Variants in SATL1 observed in about 807,000 individuals in gnomAD.
SATL1 encodes spermidine/spermine N(1)-acetyltransferase-like protein 1.
A neutral mutation model predicts 51.8 loss-of-function variants in SATL1; 47 were observed. That is an observed-to-expected ratio of 0.91 (90% CI 0.72 to 1.16). The LOEUF is 1.16. Ranked by LOEUF, SATL1 falls within the 50% of genes most tolerant of loss-of-function variation. The pLI is 0.00. For missense variants in SATL1, 520 were observed against 526.4 expected (o/e 0.99, Z 0.12); for synonymous variants, 176 against 182.4 (o/e 0.97, Z 0.28).
chrX:85,234,418 T>C (rs1312418131), intron 1 of SATL1, among the ~76,000 whole-genome samples: 1 of 111,867 alleles, frequency 8.9e-6, no homozygotes, highest in African/African-American at 3.2e-5. Context: ...AGCACTGTAA[T>C]TATGAATGTG....
intron 2 of SATL1, among the ~76,000 whole-genome samples, chrX:85,129,823 C>G (rs1367496363): frequency 9.0e-6 from 1 of 111,456 alleles, no homozygotes; most frequent in Non-Finnish European, 1.9e-5. Context: ...TGCGTTCCAT[C>G]AGTACCTAGT....
Position 85,143,632 on chromosome X carries a change from G to A in SATL1, c.-312-34352C>T, listed in dbSNP as rs1025564571. 4 of 111,477 alleles carry A rather than the reference G, an allele frequency of 3.6e-5. No homozygotes were observed. The Admixed American group carries it at 3.8e-4, about 11-fold the overall frequency. 9.2% of individuals were successfully genotyped at this position (111,477 alleles called of 1,213,427 possible). On this transcript the variant is annotated intron_variant, in intron 2 of 7. Transcript: ENST00000644105. ...GGAACTAGACAGTATTACAAGCAAA[G>A]GTTCTGTTGTTTAAAATTCACAAAC...
chrX:85,136,373 A>G (rs1188152237), intron 2 of SATL1, among the ~76,000 whole-genome samples: 1 of 112,005 alleles, frequency 8.9e-6, no homozygotes, highest in Non-Finnish European at 1.9e-5. Flanking sequence ...AAAAACTTAG[A>G]TCAGAACCCC....
intron 4 of SATL1, among the ~76,000 whole-genome samples, chrX:85,099,879 T>C (rs1369676840): frequency 1.8e-5 from 2 of 112,330 alleles, no homozygotes; most frequent in African/African-American, 3.2e-5. Flanking sequence ...CTGGAAGTTA[T>C]GGCCAGAGCT....
chrX:85,184,037 G>A (rs932072133), intron 2 of SATL1, among the ~76,000 whole-genome samples: 14 of 111,823 alleles, frequency 1.3e-4, no homozygotes, highest in Non-Finnish European at 2.3e-4. Flanking sequence ...GTGAGAACAT[G>A]TGAAGTTTGT....
chrX:85,227,886 TGTG>T (rs1928306613), intron 1 of SATL1, among the ~76,000 whole-genome samples: 1 of 111,337 alleles, frequency 9.0e-6, no homozygotes, highest in African/African-American at 3.3e-5. Flanking sequence ...GGTATGGTGA[TGTG>T]GTTATATTTT....
At chrX:85,099,773 C>T (rs760206365) in intron 4 of SATL1, among the ~76,000 whole-genome samples, 17 of 111,960 alleles carry the variant, frequency 1.5e-4, no homozygotes, top group African/African-American at 4.9e-4. Context: ...CTTATGAAAA[C>T]GACATTATAC....
chrX:85,154,488 G>A (rs185851929), intron 2 of SATL1, among the ~76,000 whole-genome samples: 10 of 112,075 alleles, frequency 8.9e-5, no homozygotes, highest in Middle Eastern at 4.6e-3. Flanking sequence ...AGCAGCAATC[G>A]TTTATTGAGA....
intron 2 of SATL1, chrX:85,209,934 A>C (rs746732200): frequency 9.1e-6 from 1 of 109,934 alleles, no homozygotes; most frequent in Admixed American, 9.8e-5. Flanking sequence ...TCAGGGTGTC[A>C]ATTTTAGATC....
rs760157060 is a variant in SATL1, at chrX:85,103,927, G to C, written c.1642-12C>G. 4.4e-6 allele frequency: 5 copies of C among 1,139,243 alleles called. No individual in the cohort carries two copies. Among genetic ancestry groups the C allele is most frequent in the Non-Finnish European group, 6.0e-6 (5 of 831,879 alleles). 93.9% of individuals were successfully genotyped at this position (1,139,243 alleles called of 1,213,427 possible). A position where few individuals can be genotyped will look rare whatever the true frequency, so the allele number is the denominator to read the frequency against. On this transcript the variant is annotated splice_polypyrimidine_tract_variant and intron_variant, in intron 3 of 7. Coordinates refer to ENST00000644105, the MANE Select transcript of SATL1 (RefSeq NM_001367857.2). ...CAGGCAGCCAATTCCTGTCAAAGTA[G>C]ATAAAACCTTCAGTTTATGATTTAG...
At chrX:85,139,285 A>G (rs1191572697) in intron 2 of SATL1, among the ~76,000 whole-genome samples, 2 of 111,807 alleles carry the variant, frequency 1.8e-5, no homozygotes, top group Non-Finnish European at 3.8e-5. Context: ...ACACACATGT[A>G]TATATGTATA....
At chrX:85,180,134 T>C (rs1405371678) in intron 2 of SATL1, among the ~76,000 whole-genome samples, 3 of 111,188 alleles carry the variant, frequency 2.7e-5, no homozygotes, top group African/African-American at 9.8e-5. Flanking sequence ...TCAAATGCTT[T>C]AGCGAGGTCA....
chrX:85,144,339 GA>G (rs1249232002), intron 2 of SATL1, among the ~76,000 whole-genome samples: 7 of 111,201 alleles, frequency 6.3e-5, no homozygotes, highest in Non-Finnish European at 1.1e-4. Context: ...TTTACATTAG[GA>G]AAAAAATACG....
At chrX:85,100,787 C>T (rs751455514) in intron 4 of SATL1, among the ~76,000 whole-genome samples, 1 of 111,798 alleles carries the variant, frequency 8.9e-6, no homozygotes, top group South Asian at 3.8e-4. Context: ...AGGACTCACA[C>T]TTCCTGACTT....
chrX:85,211,991 C>T lies in SATL1; in HGVS notation c.-313+12214G>A, dbSNP rs375534464. 4.5e-5 allele frequency: 5 copies of T among 111,281 alleles called. No homozygotes were observed. The East Asian group carries it at 1.1e-3, about 25-fold the overall frequency. 9.2% of individuals were successfully genotyped at this position (111,281 alleles called of 1,213,427 possible). A position where few individuals can be genotyped will look rare whatever the true frequency, so the allele number is the denominator to read the frequency against. On this transcript the variant is annotated intron_variant, in intron 2 of 7. Coordinates refer to ENST00000644105, the MANE Select transcript of SATL1 (RefSeq NM_001367857.2). The stretch of plus-strand genomic sequence containing the variant: ...CATGGCTAACCATTTCTTCTCTTCC[C>T]TCAAAAAATCAATGTGCAGAATCTC...
At chrX:85,222,816 T>C (rs935200474) in intron 2 of SATL1, among the ~76,000 whole-genome samples, 4 of 111,763 alleles carry the variant, frequency 3.6e-5, no homozygotes, top group African/African-American at 9.7e-5. Flanking sequence ...AAGATAACAA[T>C]ATGCTAAGAT....
chrX:85,223,939 C>T (rs1352168832), intron 2 of SATL1, among the ~76,000 whole-genome samples: 5 of 111,368 alleles, frequency 4.5e-5, no homozygotes, highest in African/African-American at 1.6e-4. Context: ...TTATTTTTGT[C>T]AGGAGTTGAG....
intron 2 of SATL1, among the ~76,000 whole-genome samples, chrX:85,110,272 G>A (rs764017634): frequency 2.7e-5 from 3 of 110,878 alleles, no homozygotes; most frequent in Non-Finnish European, 5.7e-5. Flanking sequence ...CATTCCACTC[G>A]TTCTCCATCC....
intron 2 of SATL1, among the ~76,000 whole-genome samples, chrX:85,158,952 C>T (rs1173667042): frequency 9.0e-6 from 1 of 111,178 alleles, no homozygotes; most frequent in Non-Finnish European, 1.9e-5. Flanking sequence ...GATAATAATA[C>T]AAAAATAATA....
Sources: allele counts gnomAD v4.1 joint callset (sites outside exome capture counted in the v4.1 genomes callset), GRCh38; gene constraint gnomAD v4.1.1; transcripts MANE v1.5; gene names NCBI Gene and HGNC (gene_info 2026-07-23, HGNC 2026-07-21).